Variants in PTPRD observed in about 807,000 individuals in gnomAD.
The protein encoded by PTPRD is protein tyrosine phosphatase receptor type D.
Under a neutral mutation model 214.5 loss-of-function variants are expected in PTPRD, and 34 were observed. The observed-to-expected ratio is 0.16, with a 90% CI of 0.12 to 0.21. PTPRD has a LOEUF of 0.21. PTPRD is among the 10% of genes least tolerant of loss of function. The pLI, the probability that PTPRD is intolerant of heterozygous loss-of-function variation, is 1.00. For missense variants in PTPRD, 2,545 were observed against 2,398.7 expected, an observed-to-expected ratio of 1.06 and a Z score of -1.27; for synonymous variants, 1,128 against 845.7, an observed-to-expected ratio of 1.33 and a Z score of -5.79.
intron 3 of PTPRD, among the ~76,000 whole-genome samples, chr9:10,263,447 G>A (rs969345792): frequency 6.6e-6 from 1 of 152,146 alleles, no homozygotes; most frequent in Non-Finnish European, 1.5e-5. Flanking sequence ...ATGAGGTCCA[G>A]GCTAAGGTGG....
intron 3 of PTPRD, among the ~76,000 whole-genome samples, chr9:10,133,222 A>G (rs1470879056): frequency 1.3e-5 from 2 of 152,164 alleles, no homozygotes; most frequent in African/African-American, 4.8e-5. Context: ...GTATATGTCC[A>G]GGTGATACAG....
intron 10 of PTPRD, among the ~76,000 whole-genome samples, chr9:9,035,390 G>T (rs324463): frequency 0.21 from 31,633 of 151,888 alleles, 4,345 homozygotes; most frequent in Middle Eastern, 0.29. Flanking sequence ...TATTATTGAG[G>T]AATGTCTTTC....
At chr9:10,545,535 T>C (rs1028778819) in intron 2 of PTPRD, among the ~76,000 whole-genome samples, 4 of 152,148 alleles carry the variant, frequency 2.6e-5, no homozygotes, top group Admixed American at 2.6e-4. Flanking sequence ...ATTGATTGAT[T>C]TTGTATTTAT....
intron 5 of PTPRD, among the ~76,000 whole-genome samples, chr9:9,807,847 A>C (rs2045920905): frequency 6.6e-6 from 1 of 152,204 alleles, no homozygotes; most frequent in Non-Finnish European, 1.5e-5. Context: ...CGATTTTTCC[A>C]AAACAGATGA....
chr9:10,410,270 T>TATATATACAC (rs532202941), intron 2 of PTPRD, among the ~76,000 whole-genome samples: 151 of 139,844 alleles, frequency 1.1e-3, no homozygotes, highest in Middle Eastern at 3.8e-3. Context: ...TATATATATA[T>TATATATACAC]ACACACACAC....
intron 11 of PTPRD, among the ~76,000 whole-genome samples, chr9:8,875,355 C>G (rs1182224692): frequency 6.9e-6 from 1 of 144,066 alleles, no homozygotes; most frequent in East Asian, 2.0e-4. Context: ...AGACTGATCT[C>G]TACAAAAATA....
At chr9:8,476,126 T>C (rs2096759400) in intron 30 of PTPRD, among the ~76,000 whole-genome samples, 1 of 152,116 alleles carries the variant, frequency 6.6e-6, no homozygotes, top group South Asian at 2.1e-4. Context: ...CCGAGCCTTT[T>C]TGGCACCAAG....
Position 8,319,684 on chromosome 9 carries a change from G to A in PTPRD, c.5670+147C>T, listed in dbSNP as rs1275475131. 8 of 899,456 alleles carry A rather than the reference G, an allele frequency of 8.9e-6. No individual in the cohort carries two copies. The South Asian group carries it at 9.0e-5, about 10-fold the overall frequency. 55.7% of individuals were successfully genotyped at this position (899,456 alleles called of 1,614,324 possible). A position where few individuals can be genotyped will look rare whatever the true frequency, so the allele number is the denominator to read the frequency against. ...AATAATCTCATCCCATTTAAAAAGGGGGAAAATGAGGTTCAAAATTATTAA... is the reference window on the plus strand; with the variant it reads ...AATAATCTCATCCCATTTAAAAAGGAGGAAAATGAGGTTCAAAATTATTAA... On this transcript the variant is annotated intron_variant, in intron 45 of 45. Coordinates refer to ENST00000381196, the MANE Select transcript of PTPRD (RefSeq NM_002839.4).
chr9:10,318,923 G>A (rs1220705363), intron 3 of PTPRD, among the ~76,000 whole-genome samples: 2 of 152,032 alleles, frequency 1.3e-5, no homozygotes, highest in East Asian at 1.9e-4. Flanking sequence ...TCTGAAAATA[G>A]GGCTAAGAAC....
intron 12 of PTPRD, among the ~76,000 whole-genome samples, chr9:8,725,900 A>G (rs2098551193): frequency 6.6e-6 from 1 of 152,146 alleles, no homozygotes; most frequent in Non-Finnish European, 1.5e-5. Context: ...GCTTGAGAGC[A>G]TCCTAAACAC....
intron 4 of PTPRD, among the ~76,000 whole-genome samples, chr9:9,944,683 A>C (rs1254783451): frequency 6.6e-6 from 1 of 152,050 alleles, no homozygotes; most frequent in South Asian, 2.1e-4. Context: ...TTGCTTAAAA[A>C]CAGCAAGAAA....
chr9:8,655,775 CCTTTT>C (rs1012122247), intron 12 of PTPRD, among the ~76,000 whole-genome samples: 2 of 151,284 alleles, frequency 1.3e-5, no homozygotes, highest in Admixed American at 6.6e-5. Flanking sequence ...TCTCCTTCAC[CCTTTT>C]CTTTTATATT....
chr9:8,416,322 A>G (rs1224711579), intron 35 of PTPRD, among the ~76,000 whole-genome samples: 2 of 152,184 alleles, frequency 1.3e-5, no homozygotes, highest in Non-Finnish European at 2.9e-5. Context: ...CACACATATA[A>G]AAACCTAGAA....
intron 9 of PTPRD, among the ~76,000 whole-genome samples, chr9:9,257,707 C>A: frequency 6.6e-6 from 1 of 151,688 alleles, no homozygotes; most frequent in East Asian, 2.0e-4. Context: ...TTGGTTAAGC[C>A]CAGGAGTACA....
intron 11 of PTPRD, among the ~76,000 whole-genome samples, chr9:8,740,005 G>A (rs913288129): frequency 6.6e-6 from 1 of 152,084 alleles, no homozygotes; most frequent in African/African-American, 2.4e-5. Context: ...TCTTCCCAGT[G>A]TCTCAGGTAT....
chr9:8,507,410 T>C lies in PTPRD; in HGVS notation c.1568A>G (p.Lys523Arg). ...TGVPGQPLNF[K>R]AEPESETSIL... ...ACTTGTTTCAGACTCAGGTTCTGCT[T>C]TGAAGTTTAGTGGCTGCCCTGGTAC... Residue 523 changes from lysine to arginine, a missense_variant, in exon 22 of 46, where the codon AAA becomes AGA. Coordinates refer to ENST00000381196, the MANE Select transcript of PTPRD (RefSeq NM_002839.4). 1.2e-6 allele frequency: 2 copies of C among 1,613,968 alleles called. No individual in the cohort carries two copies. Among genetic ancestry groups the C allele is most frequent in the Non-Finnish European group, 1.7e-6 (2 of 1,179,854 alleles).
chr9:8,721,794 G>A (rs933672947), intron 12 of PTPRD, among the ~76,000 whole-genome samples: 24 of 152,234 alleles, frequency 1.6e-4, no homozygotes, highest in African/African-American at 4.1e-4. Context: ...TTCCCAATTC[G>A]CACAGCTGAT....
At chr9:8,725,095 A>T (rs1016128595) in intron 12 of PTPRD, among the ~76,000 whole-genome samples, 3 of 152,194 alleles carry the variant, frequency 2.0e-5, no homozygotes, top group Non-Finnish European at 4.4e-5. Flanking sequence ...AGGAAAACTG[A>T]ATGAAAGCTA....
intron 39 of PTPRD, among the ~76,000 whole-genome samples, chr9:8,362,377 T>G (rs1201979298): frequency 1.3e-5 from 2 of 152,050 alleles, no homozygotes; most frequent in East Asian, 3.9e-4. Flanking sequence ...TCAGAGAAAA[T>G]AGTCTGAAAC....
Sources: allele counts gnomAD v4.1 joint callset (sites outside exome capture counted in the v4.1 genomes callset), GRCh38; gene constraint gnomAD v4.1.1; transcripts MANE v1.5; gene names NCBI Gene and HGNC (gene_info 2026-07-23, HGNC 2026-07-21).